The following XIST variants were observed in gnomAD, a reference collection of about 807,000 sequenced individuals.
XIST encodes the protein X inactive specific transcript (non-protein coding).
chrX:73,846,442 C>A (rs1017301857), exon 1 of XIST: 7 of 555,209 alleles, frequency 1.3e-5, no homozygotes, highest in Middle Eastern at 6.2e-4. Flanking sequence ...GGATCCCAGA[C>A]GATTATAATC....
exon 6 of XIST, chrX:73,821,199 C>G (rs746673992): frequency 1.6e-5 from 9 of 555,639 alleles, no homozygotes; most frequent in Admixed American, 1.6e-4. Context: ...AGAATGAAAA[C>G]TAGAAAATTT....
chrX:73,849,525 G>T (rs1922859254), exon 1 of XIST: 1 of 556,671 alleles, frequency 1.8e-6, no homozygotes, highest in African/African-American at 2.2e-5. Context: ...AAGGGCAGGG[G>T]ATCGAGAAAA....
At chrX:73,841,764 T>A (rs960736278) in exon 1 of XIST, 1 of 498,676 alleles carries the variant, frequency 2.0e-6, no homozygotes, top group Non-Finnish European at 3.6e-6. Context: ...ATTATTACTA[T>A]AATTAAATGC....
exon 1 of XIST, chrX:73,852,450 A>T: frequency 1.8e-6 from 1 of 547,786 alleles, no homozygotes; most frequent in East Asian, 3.3e-5. Context: ...TCAACCAAAA[A>T]TGATTCCAAA....
At chrX:73,850,957 T>A (rs1228059785) in exon 1 of XIST, 1 of 559,167 alleles carries the variant, frequency 1.8e-6, no homozygotes, top group Admixed American at 2.2e-5. Flanking sequence ...TACCGCCCAC[T>A]GGGAGACATA....
At chrX:73,849,548 C>A in exon 1 of XIST, 1 of 558,353 alleles carries the variant, frequency 1.8e-6, no homozygotes, top group Non-Finnish European at 3.2e-6. Context: ...ATAAGTAACT[C>A]AAATTGTGGG....
chrX:73,826,195 C>T (rs1456900879), exon 6 of XIST: 1 of 557,791 alleles, frequency 1.8e-6, no homozygotes, highest in African/African-American at 2.2e-5. Context: ...TCTAATTCTT[C>T]TCATTGGCCT....
chrX:73,848,910 A>C (rs1336821906), exon 1 of XIST: 2 of 557,153 alleles, frequency 3.6e-6, no homozygotes, highest in South Asian at 2.2e-5. Flanking sequence ...AGGCATACAC[A>C]TAAGTGGGTC....
intron 1 of XIST, among the ~76,000 whole-genome samples, chrX:73,840,182 G>C (rs1379342541): frequency 1.8e-5 from 2 of 111,383 alleles, no homozygotes; most frequent in Non-Finnish European, 3.8e-5. Flanking sequence ...TGTTCCTTTA[G>C]AAGGTGTTTC....
rs780897058 is a variant in XIST, at chrX:73,825,834, T to C, written n.14067A>G. Reference sequence around the variant, plus strand: ...TTTTCTCTTATGTTTTACAGTGCTTTCATACACATTATCAGTCATTTAAAT... The same window carrying C: ...TTTTCTCTTATGTTTTACAGTGCTTCCATACACATTATCAGTCATTTAAAT... On this transcript the variant is annotated non_coding_transcript_exon_variant, in exon 6 of 6. Transcript: ENST00000429829. 33 of 550,872 alleles carry C rather than the reference T, an allele frequency of 6.0e-5. No individual in the cohort carries two copies. In the African/African-American group the frequency reaches 6.9e-4, roughly 12 times the overall value. The allele number at this position is 550,872 out of a possible 1,213,427, so 45.4% of individuals were successfully genotyped here. A position where few individuals can be genotyped will look rare whatever the true frequency, so the allele number is the denominator to read the frequency against.
chrX:73,846,951 G>A (rs1922788028), exon 1 of XIST: 5 of 559,216 alleles, frequency 8.9e-6, no homozygotes, highest in Non-Finnish European at 1.6e-5. Flanking sequence ...GCCATCTACA[G>A]TTCGAAGAGA....
Position 73,837,643 on chromosome X carries a change from T to G in XIST, n.11343-140A>C, listed in dbSNP as rs940207693. On this transcript the variant is annotated intron_variant and non_coding_transcript_variant, in intron 1 of 5. Transcript: ENST00000429829. ...GTAAAATGTTAACACTGGGAAAAACTGGGTGTGAAGTACACAGAAACTCTA... is the reference window on the plus strand; with the variant it reads ...GTAAAATGTTAACACTGGGAAAAACGGGGTGTGAAGTACACAGAAACTCTA... 4 of 415,565 alleles carry G rather than the reference T, an allele frequency of 9.6e-6. No individual in the cohort carries two copies. The African/African-American group carries it at 9.9e-5, about 10-fold the overall frequency. The allele number at this position is 415,565 out of a possible 1,213,427, so 34.2% of individuals were successfully genotyped here.
At chrX:73,825,818 A>T (rs1461983415) in exon 6 of XIST, 1 of 542,976 alleles carries the variant, frequency 1.8e-6, no homozygotes, top group South Asian at 2.3e-5. Flanking sequence ...TTTTTCTCTT[A>T]TGTTTTACAG....
exon 6 of XIST, chrX:73,824,945 A>T: frequency 1.9e-6 from 1 of 535,029 alleles, no homozygotes; most frequent in Non-Finnish European, 3.4e-6. Context: ...TACCCAAAAT[A>T]GCTGGTATGT....
exon 6 of XIST, chrX:73,821,353 T>TAA: frequency 1.8e-6 from 1 of 553,831 alleles, no homozygotes; most frequent in Non-Finnish European, 3.3e-6. Flanking sequence ...CAATGAACAA[T>TAA]AAAGTCCTCT....
chrX:73,827,086 T>C (rs1186826586), exon 6 of XIST: 1 of 556,858 alleles, frequency 1.8e-6, no homozygotes, highest in Non-Finnish European at 3.2e-6. Flanking sequence ...ATCTGTCTTA[T>C]ACTTTGGGCC....
exon 1 of XIST, chrX:73,842,214 C>CT (rs1397706141): frequency 6.6e-5 from 34 of 514,879 alleles, no homozygotes; most frequent in Non-Finnish European, 1.1e-4. Context: ...TGGCTGTATC[C>CT]TGGCATTTGG....
chrX:73,850,230 G>A (rs1284180478), exon 1 of XIST: 9 of 549,663 alleles, frequency 1.6e-5, no homozygotes, highest in Non-Finnish European at 2.6e-5. Context: ...AAAATGACCA[G>A]CACATTTTTA....
exon 1 of XIST, chrX:73,846,693 C>T (rs765966307): frequency 3.6e-6 from 2 of 559,243 alleles, no homozygotes; most frequent in Non-Finnish European, 6.5e-6. Context: ...GAGCACTTTC[C>T]TTCTCTAGTG....
Sources: allele counts gnomAD v4.1 joint callset (sites outside exome capture counted in the v4.1 genomes callset), GRCh38; gene constraint gnomAD v4.1.1; transcripts MANE v1.5; gene names NCBI Gene and HGNC (gene_info 2026-07-23, HGNC 2026-07-21).